STK32C: variants seen among roughly 807,000 people sequenced by gnomAD.
The protein encoded by STK32C is serine/threonine kinase 32C.
In STK32C, 31 loss-of-function variants were observed where a neutral mutation model predicts 56.5. The observed-to-expected ratio is 0.55, with a 90% CI of 0.41 to 0.74. STK32C has a LOEUF of 0.74. STK32C is among the 30% of genes least tolerant of loss of function. The pLI, the probability that STK32C is intolerant of heterozygous loss-of-function variation, is 0.00. For missense variants in STK32C, 544 were observed against 676.9 expected (o/e 0.80, Z 2.18); for synonymous variants, 309 against 289.4 (o/e 1.07, Z -0.69).
chr10:132,296,968 G>A (rs2065768397), intron 1 of STK32C, among the ~76,000 whole-genome samples: 1 of 152,244 alleles, frequency 6.6e-6, no homozygotes, highest in Admixed American at 6.5e-5. Context: ...GCAGCCCAGA[G>A]ACAGGGAGGC....
intron 1 of STK32C, among the ~76,000 whole-genome samples, chr10:132,277,357 C>T (rs1238259179): frequency 2.6e-5 from 4 of 152,254 alleles, no homozygotes; most frequent in East Asian, 3.8e-4. Context: ...CATTCCTGTG[C>T]GGGGAGGTGG....
chr10:132,246,595 G>A (rs2063703124), intron 1 of STK32C, among the ~76,000 whole-genome samples: 1 of 152,208 alleles, frequency 6.6e-6, no homozygotes, highest in Non-Finnish European at 1.5e-5. Context: ...CGAAGCTGCA[G>A]AAGGCACCAT....
At chr10:132,223,574 G>A (rs1433638381) in intron 8 of STK32C, among the ~76,000 whole-genome samples, 5 of 152,242 alleles carry the variant, frequency 3.3e-5, no homozygotes, top group Admixed American at 2.6e-4. Context: ...CACCTTGTGA[G>A]CCACCTGGGC....
At chr10:132,281,857 C>A (rs533647826) in intron 1 of STK32C, among the ~76,000 whole-genome samples, 4 of 152,188 alleles carry the variant, frequency 2.6e-5, no homozygotes, top group Non-Finnish European at 5.9e-5. Flanking sequence ...CGCGGGGCAA[C>A]TTCTCTGACG....
chr10:132,286,376 C>G (rs2065405000), intron 1 of STK32C, among the ~76,000 whole-genome samples: 1 of 152,198 alleles, frequency 6.6e-6, no homozygotes, highest in Non-Finnish European at 1.5e-5. Context: ...CACCACCAAC[C>G]TTACACAAAC....
intron 2 of STK32C, among the ~76,000 whole-genome samples, chr10:132,240,178 A>G (rs1404462308): frequency 6.6e-6 from 1 of 152,124 alleles, no homozygotes; most frequent in African/African-American, 2.4e-5. Context: ...CATGACCCCA[A>G]GCTGGCAACT....
At chr10:132,259,722 A>C (rs1042857058) in intron 1 of STK32C, among the ~76,000 whole-genome samples, 2 of 152,148 alleles carry the variant, frequency 1.3e-5, no homozygotes, top group Non-Finnish European at 2.9e-5. Flanking sequence ...TTCTTTATAA[A>C]TTATTACCCA....
intron 1 of STK32C, among the ~76,000 whole-genome samples, chr10:132,293,115 C>T (rs1014489638): frequency 5.9e-5 from 9 of 152,252 alleles, no homozygotes; most frequent in Non-Finnish European, 8.8e-5. Context: ...CAGTGCAGCG[C>T]GTGCATGCGT....
At chr10:132,227,465 G>A (rs2062929844) in intron 3 of STK32C, among the ~76,000 whole-genome samples, 1 of 152,168 alleles carries the variant, frequency 6.6e-6, no homozygotes, top group South Asian at 2.1e-4. Context: ...CGGTAGTGAG[G>A]ACTGAGGGTG....
At chr10:132,212,903 C>T (rs1436017356) in intron 10 of STK32C, among the ~76,000 whole-genome samples, 6 of 152,248 alleles carry the variant, frequency 3.9e-5, no homozygotes. Flanking sequence ...AGCAAAGTCA[C>T]AGCTGAGACC....
chr10:132,294,944 A>T (rs1000438148), intron 1 of STK32C, among the ~76,000 whole-genome samples: 2 of 152,114 alleles, frequency 1.3e-5, no homozygotes, highest in African/African-American at 4.8e-5. Flanking sequence ...TGTGTGGTCC[A>T]CAAGGGAACA....
intron 2 of STK32C, among the ~76,000 whole-genome samples, chr10:132,235,008 C>T (rs2063225289): frequency 6.6e-6 from 1 of 152,170 alleles, no homozygotes; most frequent in Non-Finnish European, 1.5e-5. Context: ...GAAGCTGTGA[C>T]TGGTGTGAGC....
chr10:132,307,598 C>T lies in STK32C; in HGVS notation c.236G>A (p.Arg79Lys), dbSNP rs138239282. The T allele has an allele frequency of 3.2e-6, 5 of 1,558,228 alleles. No individual in the cohort carries two copies. In the African/African-American group the frequency reaches 4.3e-5, roughly 13 times the overall value. ...GTCCTCCTTGTCGTCAAACACCGGC[C>T]TCCGCGCGGTGGCCGCCGACATGGA... ...GSSMSAATAR[R>K]PVFDDKEDVN... Residue 79 changes from arginine to lysine, a missense_variant, in exon 1 of 12, where the codon AGG becomes AAG. By Grantham distance (26) the Arg-to-Lys change is conservative. Around this residue, in one of 3 missense-constraint regions of STK32C, gnomAD observed 182 missense variants for 217.7 expected, o/e 0.84. Transcript: ENST00000298630. The surrounding 1 kb of genome is among the most constrained non-coding windows in gnomAD (Gnocchi z 4.4).
chr10:132,307,758 G>A lies in STK32C; in HGVS notation c.76C>T (p.Pro26Ser). 9.9e-7 allele frequency: 1 copy of A among 1,009,944 alleles called. No individual in the cohort carries two copies. The highest frequency in any genetic ancestry group is 1.2e-6 in the Non-Finnish European group (1 of 847,808). The allele number at this position is 1,009,944 out of a possible 1,614,324, so 62.6% of individuals were successfully genotyped here. ...PGSPPPGRARPAGSDAPSALP... is the reference protein window; with the variant it reads ...PGSPPPGRARSAGSDAPSALP... ...GCCGAGGGCGCGTCGGAGCCGGCGG[G>A]GCGCGCGCGGCCGGGGGGCGGCGAG... is the stretch of plus-strand genomic sequence containing the variant. Residue 26 changes from proline (P) to serine (S), a missense_variant, in exon 1 of 12, where the codon CCC becomes TCC. Physicochemically the swap from Pro to Ser is moderately conservative, Grantham distance 74 (BLOSUM62 -1). Coordinates refer to ENST00000298630, the MANE Select transcript of STK32C (RefSeq NM_173575.4). The surrounding 1 kb of genome is among the most constrained non-coding windows in gnomAD (Gnocchi z 4.4).
In STK32C at chr10:132,294,162, A is replaced by C. The variant is rs2065661433; in HGVS notation, c.262+13410T>G. Among the ~76,000 whole-genome samples the C allele has an allele frequency of 2.0e-5, 3 of 152,156 alleles. No individual in the cohort carries two copies. The South Asian group carries it at 6.2e-4, about 32-fold the overall frequency. ...ATATAGGTGGTATTTGAACCATGAG[A>C]TCACCAGCGTGTGGGTGGAGCGGGA... On this transcript the variant is annotated intron_variant, in intron 1 of 11. Transcript: ENST00000298630.
chr10:132,212,099 C>CAGA (rs1201964866), intron 10 of STK32C, among the ~76,000 whole-genome samples: 2 of 152,106 alleles, frequency 1.3e-5, no homozygotes, highest in Non-Finnish European at 2.9e-5. Flanking sequence ...ATGCAACTGT[C>CAGA]AGACCCCTCA....
intron 1 of STK32C, among the ~76,000 whole-genome samples, chr10:132,268,652 TGC>T (rs2064694571): frequency 6.6e-6 from 1 of 150,648 alleles, no homozygotes; most frequent in Non-Finnish European, 1.5e-5. Flanking sequence ...TCGGTGTGTG[TGC>T]ATGCATGTGT....
intron 1 of STK32C, among the ~76,000 whole-genome samples, chr10:132,253,418 A>G (rs2063978973): frequency 7.4e-6 from 1 of 135,606 alleles, no homozygotes; most frequent in Non-Finnish European, 1.6e-5. Flanking sequence ...AGCTGGAGGG[A>G]GCTGGAGGGA....
chr10:132,224,946 C>T (rs2062830433), intron 7 of STK32C, among the ~76,000 whole-genome samples: 1 of 152,226 alleles, frequency 6.6e-6, no homozygotes, highest in South Asian at 2.1e-4. Context: ...GTGGAAAGTT[C>T]CGAGGCAGCA....
Sources: allele counts gnomAD v4.1 joint callset (sites outside exome capture counted in the v4.1 genomes callset), GRCh38; gene constraint gnomAD v4.1.1; regional missense constraint gnomAD v4.1.1; non-coding constraint Gnocchi (gnomAD v3.1); transcripts MANE v1.5; gene names NCBI Gene and HGNC (gene_info 2026-07-23, HGNC 2026-07-21).